Variants in DERL1 observed in about 807,000 individuals in gnomAD.
DERL1 encodes the protein derlin 1.
DERL1 carries 24 observed loss-of-function variants against 41.6 expected under a neutral mutation model. The observed-to-expected ratio is 0.58, with a 90% CI of 0.42 to 0.81. The LOEUF is 0.81. Among genes scored for constraint, DERL1 ranks in the 30% least tolerant of loss-of-function variants. DERL1 has a pLI of 0.00. For missense variants in DERL1, 260 were observed against 314.3 expected (o/e 0.83, Z 1.31); for synonymous variants, 124 against 112.5 (o/e 1.10, Z -0.65).
chr8:123,015,640 CAT>C, intron 7 of DERL1, 55 bp from the exon 8 acceptor site: 7 of 1,549,110 alleles, frequency 4.5e-6, no homozygotes, highest in South Asian at 1.2e-5. Flanking sequence ...GTCACTTCCA[CAT>C]AGTTATCTGA....
At chr8:123,036,592 A>C (rs931222796) in intron 1 of DERL1, among the ~76,000 whole-genome samples, 1 of 152,218 alleles carries the variant, frequency 6.6e-6, no homozygotes, top group African/African-American at 2.4e-5. Context: ...TCCTGCTTGT[A>C]TATTGTAACT....
At chr8:123,028,539 A>G (rs1200753614) in intron 2 of DERL1, among the ~76,000 whole-genome samples, 1 of 152,204 alleles carries the variant, frequency 6.6e-6, no homozygotes, top group Non-Finnish European at 1.5e-5. Flanking sequence ...TGATGGCTGC[A>G]TAACATTGTG....
chr8:123,026,603 T>C (rs1037499129), intron 2 of DERL1, among the ~76,000 whole-genome samples: 15 of 152,226 alleles, frequency 9.9e-5, no homozygotes, highest in Admixed American at 9.8e-4. Context: ...TCAGTGAACC[T>C]GGGTTCCAGT....
chr8:123,015,115 C>A lies in DERL1; in HGVS notation c.*332G>T, dbSNP rs916346122. On this transcript the variant is annotated 3_prime_UTR_variant, in exon 8 of 8. Coordinates refer to ENST00000259512, the MANE Select transcript of DERL1 (RefSeq NM_024295.6). Reference sequence around the variant, plus strand: ...GTCCTTTTGGGAAGGGTTTGGTGACCCAGCCCCAGCTCAATGCCAGCAGAC... The same window carrying A: ...GTCCTTTTGGGAAGGGTTTGGTGACACAGCCCCAGCTCAATGCCAGCAGAC... 1.4e-4 allele frequency: 27 copies of A among 191,838 alleles called. No homozygotes were observed. The highest frequency in any genetic ancestry group is 1.3e-4 in the Non-Finnish European group (12 of 94,554). 11.9% of individuals were successfully genotyped at this position (191,838 alleles called of 1,614,324 possible).
At chr8:123,026,919 A>C (rs1185713465) in intron 2 of DERL1, among the ~76,000 whole-genome samples, 1 of 152,200 alleles carries the variant, frequency 6.6e-6, no homozygotes, top group African/African-American at 2.4e-5. Context: ...ATGCTACGTA[A>C]AAGACATAAG....
intron 6 of DERL1, 148 bp from the exon 7 acceptor site, chr8:123,019,453 T>G (rs1381954332): frequency 1.6e-6 from 1 of 623,808 alleles, no homozygotes; most frequent in African/African-American, 1.9e-5. Context: ...TTTTGTAGTC[T>G]GAGTGGCAAA....
intron 6 of DERL1, among the ~76,000 whole-genome samples, chr8:123,020,879 T>C (rs1814744916): frequency 6.7e-6 from 1 of 150,070 alleles, no homozygotes; most frequent in African/African-American, 2.5e-5. Context: ...GGTAGGAGAA[T>C]TGCTTGAACC....
At chr8:123,034,360 T>G (rs749296247) in intron 1 of DERL1, among the ~76,000 whole-genome samples, 8 of 152,210 alleles carry the variant, frequency 5.3e-5, no homozygotes, top group Non-Finnish European at 8.8e-5. Context: ...AGAAACAGGA[T>G]AGTTTAGTGG....
chr8:123,019,143 A>G (rs747725971), intron 7 of DERL1, 52 bp downstream of exon 7: 1 of 1,253,962 alleles, frequency 8.0e-7, no homozygotes, highest in South Asian at 1.2e-5. Flanking sequence ...ATTAGGATGC[A>G]CTAAGAACAC....
chr8:123,040,535 C>T (rs1375732459), intron 1 of DERL1, among the ~76,000 whole-genome samples: 6 of 152,140 alleles, frequency 3.9e-5, no homozygotes, highest in Non-Finnish European at 7.3e-5. Context: ...GCCTTGCAGG[C>T]CACTGAAAGG....
At chr8:123,016,993 C>T (rs1031535870) in intron 7 of DERL1, 2 of 152,176 alleles carry the variant, frequency 1.3e-5, no homozygotes, top group African/African-American at 4.8e-5. Flanking sequence ...GCGCCCGCTA[C>T]CATGTCCAGC....
At chr8:123,031,701 C>T (rs552214967) in intron 1 of DERL1, among the ~76,000 whole-genome samples, 1 of 152,238 alleles carries the variant, frequency 6.6e-6, no homozygotes, top group South Asian at 2.1e-4. Context: ...TCTTCTTTAT[C>T]CTACTCTATA....
At chr8:123,018,816 C>A in intron 7 of DERL1, 1 of 245,690 alleles carries the variant, frequency 4.1e-6, no homozygotes, top group South Asian at 5.1e-5. Flanking sequence ...CTTCCTTGGG[C>A]AAAATCATGG....
At chr8:123,040,899 C>T (rs541597661) in intron 1 of DERL1, among the ~76,000 whole-genome samples, 94 of 152,320 alleles carry the variant, frequency 6.2e-4, no homozygotes, top group African/African-American at 2.0e-3. Flanking sequence ...GAAGATGACT[C>T]TTAGTCATCC....
At position 123,015,523 on chromosome 8, in the gene DERL1, A is replaced by G. The variant is rs746354501; in HGVS notation, c.680T>C (p.Met227Thr). 4.3e-6 allele frequency: 7 copies of G among 1,613,154 alleles called. No individual in the cohort carries two copies. The South Asian group carries it at 7.7e-5, about 18-fold the overall frequency. ...GCCATTCTGATCAGCAGCTCGCCTCATGCTAGCAGGGGGCACACCAAATCC... is the reference window on the plus strand; with the variant it reads ...GCCATTCTGATCAGCAGCTCGCCTCGTGCTAGCAGGGGGCACACCAAATCC... ...VSGFGVPPAS[M>T]RRAADQNGGG... The change falls in exon 8 of 8, where the codon ATG (methionine) becomes ACG (threonine). Residue 227 changes from methionine to threonine, a missense_variant. Coordinates refer to ENST00000259512, the MANE Select transcript of DERL1 (RefSeq NM_024295.6).
At position 123,027,882 on chromosome 8, in the gene DERL1, C is replaced by T. The variant is rs145481207; in HGVS notation, c.265+2723G>A. Reference sequence around the variant, plus strand: ...TTTGAGACCAGCCTGGCCAACATGGCGAAATGCCATCTCTACCAAAAACAC... The same window carrying T: ...TTTGAGACCAGCCTGGCCAACATGGTGAAATGCCATCTCTACCAAAAACAC... On this transcript the variant is annotated intron_variant, in intron 2 of 7. Coordinates refer to ENST00000259512, the MANE Select transcript of DERL1 (RefSeq NM_024295.6). Among the ~76,000 whole-genome samples, 702 of 151,938 alleles carry T rather than the reference C, an allele frequency of 4.6e-3. 4 individuals carry two copies. The highest frequency in any genetic ancestry group is 0.016 in the African/African-American group (667 of 41,454).
At chr8:123,030,261 T>C (rs574459801) in intron 2 of DERL1, 2 of 186,256 alleles carry the variant, frequency 1.1e-5, no homozygotes, top group African/African-American at 4.8e-5. Flanking sequence ...AATTCTGCAC[T>C]GAAGGACAAG....
intron 1 of DERL1, among the ~76,000 whole-genome samples, chr8:123,040,075 G>C (rs1312383639): frequency 6.6e-6 from 1 of 152,186 alleles, no homozygotes; most frequent in African/African-American, 2.4e-5. Flanking sequence ...AAATTAGCTG[G>C]GCATGGTGGT....
intron 1 of DERL1, 29 bp from the exon 2 acceptor site, chr8:123,030,745 T>TA: frequency 2.9e-6 from 4 of 1,390,800 alleles, no homozygotes; most frequent in Non-Finnish European, 4.1e-6. Flanking sequence ...ACACAGCTGT[T>TA]AGTTTCTGTA....
Sources: allele counts gnomAD v4.1 joint callset (sites outside exome capture counted in the v4.1 genomes callset), GRCh38; gene constraint gnomAD v4.1.1; transcripts MANE v1.5; gene names NCBI Gene and HGNC (gene_info 2026-07-23, HGNC 2026-07-21).